Variants in GPR173 observed in about 807,000 individuals in gnomAD.
GPR173 encodes probable G protein-coupled receptor 173.
GPR173 carries 2 observed loss-of-function variants against 13.9 expected under a neutral mutation model. The observed-to-expected ratio is 0.14, with a 90% CI of 0.06 to 0.45. The LOEUF is 0.45. GPR173 is among the 20% of genes least tolerant of loss of function. GPR173 has a pLI of 0.98. For missense variants in GPR173, 202 were observed against 340.5 expected, an observed-to-expected ratio of 0.59 and a Z score of 3.20; for synonymous variants, 131 against 141.0, an observed-to-expected ratio of 0.93 and a Z score of 0.50.
chrX:53,063,162 T>C (rs1262673011), intron 1 of GPR173, among the ~76,000 whole-genome samples: 3 of 110,056 alleles, frequency 2.7e-5, no homozygotes, highest in Non-Finnish European at 3.8e-5. Context: ...TGAAATTCTT[T>C]GAAATCTAGA....
At chrX:53,069,083 C>T (rs781973858) in intron 1 of GPR173, among the ~76,000 whole-genome samples, 8 of 104,935 alleles carry the variant, frequency 7.6e-5, no homozygotes, top group Non-Finnish European at 1.4e-4. Context: ...CCTCAGCCTC[C>T]GGAGTAGCTG....
intron 1 of GPR173, among the ~76,000 whole-genome samples, chrX:53,066,342 T>G (rs1183147226): frequency 2.7e-5 from 3 of 111,533 alleles, no homozygotes; most frequent in Non-Finnish European, 5.6e-5. Flanking sequence ...CTGTCAGTAG[T>G]CTTCACGCTA....
intron 1 of GPR173, among the ~76,000 whole-genome samples, chrX:53,074,203 TATAA>T (rs1932356767): frequency 1.0e-5 from 1 of 96,900 alleles, no homozygotes; most frequent in Admixed American, 1.1e-4. Flanking sequence ...TAGAAATATA[TATAA>T]ATATACATTT....
intron 1 of GPR173, among the ~76,000 whole-genome samples, chrX:53,074,155 TAG>T (rs1556805323): frequency 3.0e-5 from 3 of 99,320 alleles, no homozygotes; most frequent in East Asian, 3.1e-4. Flanking sequence ...TTTATTCATA[TAG>T]AAATATATAT....
rs1248197834 is a variant in GPR173, at chrX:53,064,436, G to T, written c.-97-12089G>T. Among the ~76,000 whole-genome samples, 4 of 110,311 alleles carry T rather than the reference G, an allele frequency of 3.6e-5. No homozygotes were observed. The Admixed American group carries it at 3.9e-4, about 11-fold the overall frequency. Reference sequence around the variant, plus strand: ...ATACAAAAATTAGCTGGGCATCCTGGTGGCAGGCCCCTGTAGTCCCAGCTA... The same window carrying T: ...ATACAAAAATTAGCTGGGCATCCTGTTGGCAGGCCCCTGTAGTCCCAGCTA... On this transcript the variant is annotated intron_variant, in intron 1 of 1. Coordinates refer to ENST00000332582, the MANE Select transcript of GPR173 (RefSeq NM_018969.6).
At chrX:53,051,923 G>T (rs1309430762) in intron 1 of GPR173, among the ~76,000 whole-genome samples, 1 of 110,813 alleles carries the variant, frequency 9.0e-6, no homozygotes, top group African/African-American at 3.3e-5. Context: ...GTATGAGAGG[G>T]TGTATATGTG....
chrX:53,072,288 T>C (rs1478112287), intron 1 of GPR173, among the ~76,000 whole-genome samples: 1 of 109,207 alleles, frequency 9.2e-6, no homozygotes, highest in Non-Finnish European at 1.9e-5. Context: ...TCTATCTCTC[T>C]CCAGCTACCC....
At chrX:53,073,263 G>T (rs1429754097) in intron 1 of GPR173, among the ~76,000 whole-genome samples, 1 of 108,480 alleles carries the variant, frequency 9.2e-6, no homozygotes, top group African/African-American at 3.4e-5. Flanking sequence ...GGCTGTGGCA[G>T]GCCAGGCTGG....
chrX:53,052,603 G>A (rs73634277), intron 1 of GPR173, among the ~76,000 whole-genome samples: 16,910 of 70,372 alleles, frequency 0.24, 1,258 homozygotes, highest in African/African-American at 0.41. Flanking sequence ...ACACACACAC[G>A]TGTGTGTGTG....
intron 1 of GPR173, among the ~76,000 whole-genome samples, chrX:53,070,305 G>T (rs181719951): frequency 9.0e-6 from 1 of 110,659 alleles, no homozygotes; most frequent in East Asian, 2.8e-4. Context: ...TGTGTGTTAG[G>T]GGAGTTACAA....
chrX:53,074,401 T>G (rs373783405), intron 1 of GPR173, among the ~76,000 whole-genome samples: 2 of 30,114 alleles, frequency 6.6e-5, no homozygotes, highest in Non-Finnish European at 9.3e-5. Context: ...TATAAATATA[T>G]ATTTATATTT....
chrX:53,068,622 A>C (rs949134261), intron 1 of GPR173, among the ~76,000 whole-genome samples: 8 of 108,840 alleles, frequency 7.4e-5, no homozygotes, highest in Non-Finnish European at 1.3e-4. Flanking sequence ...CCAAAAAAAA[A>C]CCTTAAAAAA....
At chrX:53,062,798 C>T (rs1219686307) in intron 1 of GPR173, among the ~76,000 whole-genome samples, 1 of 109,736 alleles carries the variant, frequency 9.1e-6, no homozygotes, top group Admixed American at 9.8e-5. Flanking sequence ...CCACCTCAGC[C>T]TCTCGAACTG....
intron 1 of GPR173, among the ~76,000 whole-genome samples, chrX:53,062,510 A>T (rs1406960531): frequency 9.3e-6 from 1 of 107,010 alleles, no homozygotes; most frequent in African/African-American, 3.4e-5. Flanking sequence ...GCAAGAAGAA[A>T]GGGGTAACTG....
At chrX:53,062,523 C>T (rs1176249154) in intron 1 of GPR173, among the ~76,000 whole-genome samples, 4 of 105,564 alleles carry the variant, frequency 3.8e-5, no homozygotes, top group African/African-American at 1.4e-4. Context: ...GGTAACTGGT[C>T]CCAAGTAAGT....
chrX:53,055,318 G>A (rs1386099006), intron 1 of GPR173, among the ~76,000 whole-genome samples: 2 of 109,885 alleles, frequency 1.8e-5, no homozygotes, highest in Admixed American at 9.8e-5. Flanking sequence ...GTGTAGGTAC[G>A]TTTGGGCTGT....
At chrX:53,070,483 G>A (rs1022041352) in intron 1 of GPR173, among the ~76,000 whole-genome samples, 23 of 111,594 alleles carry the variant, frequency 2.1e-4, no homozygotes, top group African/African-American at 7.2e-4. Flanking sequence ...TAATCTCTCT[G>A]CATATGTAAT....
chrX:53,077,395 G>A lies in GPR173; in HGVS notation c.774G>A (p.Leu258=). 1 of 1,203,280 alleles carries A rather than the reference G, an allele frequency of 8.3e-7. No homozygotes were observed. ...GCCGTGGGCCCATGCCACCAACCCT[G>A]CTGGGTATCCGGCAGAATGGGCATG... is the stretch of plus-strand genomic sequence containing the variant. ...GFGRGPMPPT[L]LGIRQNGHAA... is the part of the protein sequence containing the mutation. The change falls in exon 2 of 2, where the codon CTG becomes CTA. Residue 258 remains leucine, a synonymous_variant. Transcript: ENST00000332582.
intron 1 of GPR173, among the ~76,000 whole-genome samples, chrX:53,067,814 A>C (rs1932205031): frequency 1.8e-5 from 1 of 55,752 alleles, no homozygotes; most frequent in Non-Finnish European, 3.1e-5. Flanking sequence ...ACAGAGCGAG[A>C]CTCCATCTCA....
Sources: gnomAD v4.1 joint callset for allele counts (sites outside exome capture counted in the v4.1 genomes callset) on GRCh38, gnomAD v4.1.1 for gene constraint, MANE v1.5 for transcripts, NCBI Gene and HGNC (gene_info 2026-07-23, HGNC 2026-07-21) for gene names.